Variants in DOK1 observed in about 807,000 individuals in gnomAD.
DOK1 encodes the protein Downstream of tyrosine kinase 1.
Under a neutral mutation model 24.0 loss-of-function variants are expected in DOK1, and 12 were observed. That is an observed-to-expected ratio of 0.50 (90% CI 0.32 to 0.81). The LOEUF (loss-of-function observed/expected upper bound fraction) is 0.81, where lower values mean the gene tolerates loss of function less well. Among genes scored for constraint, DOK1 ranks in the 30% least tolerant of loss-of-function variants. DOK1 has a pLI of 0.03. For missense variants in DOK1, 591 were observed against 620.7 expected (o/e 0.95, Z 0.51); for synonymous variants, 250 against 260.9 (o/e 0.96, Z 0.40).
rs1677447427 is a variant in DOK1, at chr2:74,556,146, G to T, written c.639+68G>T. On this transcript the variant is annotated intron_variant, in intron 4 of 4. Transcript: ENST00000233668. This position sits in a 1 kb window ranked among gnomAD's most constrained non-coding sequence, Gnocchi z 4.1. Reference sequence around the variant, plus strand: ...TGGGAGGGGTGGGGCAGGACAGAAAGTGGGAAGCTCTGACCTTTGGATCCC... The same window carrying T: ...TGGGAGGGGTGGGGCAGGACAGAAATTGGGAAGCTCTGACCTTTGGATCCC... 1 of 1,533,762 alleles carries T rather than the reference G, an allele frequency of 6.5e-7. No homozygotes were observed. The highest frequency in any genetic ancestry group is 2.3e-5 in the East Asian group (1 of 44,180).
At chr2:74,549,768 G>A (rs1354565179), upstream of DOK1, 1 of 1,429,164 alleles carries the variant, frequency 7.0e-7, no homozygotes, top group Admixed American at 2.9e-5. The surrounding 1 kb of genome is among the most constrained non-coding windows in gnomAD (Gnocchi z 5.3). Context: ...AGCCAGCAGC[G>A]CGTGGGATGT....
chr2:74,552,671 G>T (rs1245362411), upstream of DOK1: 2 of 1,486,128 alleles, frequency 1.3e-6, no homozygotes, highest in Non-Finnish European at 1.8e-6. Flanking sequence ...GACAAAGTGT[G>T]CGTGAGAGAA....
rs1261219839 is a variant in DOK1, at chr2:74,556,056, TGC to T, written c.619_620del (p.Arg207SerfsTer33). 1.2e-6 allele frequency: 2 copies of T among 1,600,194 alleles called. No homozygotes were observed. Among genetic ancestry groups the T allele is most frequent in the Non-Finnish European group, 1.7e-6 (2 of 1,172,228 alleles). ...CTCCTGTCCTGGCCCTACACTCTGT[TGC>T]GTCGCTATGGCCGGGACAAGGTGCA... On this transcript the variant is annotated frameshift_variant, in exon 4 of 5. Coordinates refer to ENST00000233668, the MANE Select transcript of DOK1 (RefSeq NM_001381.5). LOFTEE classifies it low-confidence loss of function (END_TRUNC). This position sits in a 1 kb window ranked among gnomAD's most constrained non-coding sequence, Gnocchi z 4.1.
At chr2:74,550,042 G>A, upstream of DOK1, 2 of 1,473,058 alleles carry the variant, frequency 1.4e-6, no homozygotes, top group Non-Finnish European at 8.9e-7. Flanking sequence ...GCATCTGGGA[G>A]CTCTATCATT....
At position 74,556,357 on chromosome 2, in the gene DOK1, C is replaced by A. The variant is rs147567450; in HGVS notation, c.689C>A (p.Thr230Asn). 1.1e-4 allele frequency: 172 copies of A among 1,613,876 alleles called. 1 individual carries two copies. The highest frequency in any genetic ancestry group is 5.5e-4 in the African/African-American group (41 of 75,044). ...CGCCGCTGCCCCTCAGGCCCTGGAA[C>A]CTTCACCTTCCAGACGGCACAGGGA... ...AGRRCPSGPG[T>N]FTFQTAQGND... is the part of the protein sequence containing the mutation. The change falls in exon 5 of 5, where the codon ACC becomes AAC. Residue 230 changes from threonine (T) to asparagine (N), a missense_variant. By Grantham distance (65) the Thr-to-Asn change is moderately conservative (BLOSUM62 0). Transcript: ENST00000233668. This position sits in a 1 kb window ranked among gnomAD's most constrained non-coding sequence, Gnocchi z 4.1.
At position 74,556,485 on chromosome 2, in the gene DOK1, G is replaced by T. The variant is rs756567193; in HGVS notation, c.817G>T (p.Glu273Ter). 1 of 1,614,206 alleles carries T rather than the reference G, an allele frequency of 6.2e-7. No homozygotes were observed. Among genetic ancestry groups the T allele is most frequent in the Non-Finnish European group, 8.5e-7 (1 of 1,180,022 alleles). Residue 273 changes from glutamate to a stop codon, truncating the protein, a stop_gained, in exon 5 of 5, where the codon GAG (glutamate) becomes TAG (stop). Transcript: ENST00000233668. LOFTEE classifies it low-confidence loss of function (END_TRUNC). The surrounding 1 kb of genome is among the most constrained non-coding windows in gnomAD (Gnocchi z 4.1). ...TCTCAGAGCTGACTCCCATGAAGGG[G>T]AGGTGGCAGAGGGGAAGTTGCCTTC... is the stretch of plus-strand genomic sequence containing the variant. ...DVLRADSHEGEVAEGKLPSPP... is the reference protein window; with the variant it reads ...DVLRADSHEG
At position 74,549,498 on chromosome 2, in the gene DOK1, A is replaced by G. The variant is rs749209218; in HGVS notation, c.-358+326A>G. 8 of 1,613,690 alleles carry G rather than the reference A, an allele frequency of 5.0e-6. No individual in the cohort carries two copies. On this transcript the variant is annotated intron_variant, in intron 1 of 4. Transcript: ENST00000409429. The surrounding 1 kb of genome is among the most constrained non-coding windows in gnomAD (Gnocchi z 5.3). ...GCCGTCAGGAAGCCTGACTTCCACC[A>G]GCCCCTCCGTCACGGGCAGGGGTCG...
In DOK1 at chr2:74,557,341, C is replaced by A; in HGVS notation, c.*227C>A. 1 of 495,842 alleles carries A rather than the reference C, an allele frequency of 2.0e-6. No individual in the cohort carries two copies. The highest frequency in any genetic ancestry group is 3.6e-6 in the Non-Finnish European group (1 of 278,588). The allele number at this position is 495,842 out of a possible 1,614,324, so 30.7% of individuals were successfully genotyped here. ...TGGGCTCTGCATCCCCCAAAGCCAT[C>A]CCTTCCCTACTTCCCCAAATGAAGG... On this transcript the variant is annotated 3_prime_UTR_variant, in exon 5 of 5. Coordinates refer to ENST00000233668, the MANE Select transcript of DOK1 (RefSeq NM_001381.5).
In DOK1 at chr2:74,549,293, C is replaced by T; in HGVS notation, c.-358+121C>T. 1 of 1,456,076 alleles carries T rather than the reference C, an allele frequency of 6.9e-7. No homozygotes were observed. Among genetic ancestry groups the T allele is most frequent in the Non-Finnish European group, 9.1e-7 (1 of 1,097,520 alleles). The allele number at this position is 1,456,076 out of a possible 1,614,324, so 90.2% of individuals were successfully genotyped here. ...GGTCCTCCCGTGCCCCGGACCTGCTCAGATGTCTCCCAAGGCTATTCATCA... is the reference window on the plus strand; with the variant it reads ...GGTCCTCCCGTGCCCCGGACCTGCTTAGATGTCTCCCAAGGCTATTCATCA... On this transcript the variant is annotated intron_variant, in intron 1 of 4. Transcript: ENST00000409429. The surrounding 1 kb of genome is among the most constrained non-coding windows in gnomAD (Gnocchi z 5.3).
Position 74,556,127 on chromosome 2 carries a change from G to A in DOK1, c.639+49G>A. 6.5e-7 allele frequency: 1 copy of A among 1,542,862 alleles called. No homozygotes were observed. The highest frequency in any genetic ancestry group is 1.2e-5 in the South Asian group (1 of 80,612). ...TTCCTGGGTTGGGCAGCTGTGGGAGGGGTGGGGCAGGACAGAAAGTGGGAA... is the reference window on the plus strand; with the variant it reads ...TTCCTGGGTTGGGCAGCTGTGGGAGAGGTGGGGCAGGACAGAAAGTGGGAA... On this transcript the variant is annotated intron_variant, in intron 4 of 4. Coordinates refer to ENST00000233668, the MANE Select transcript of DOK1 (RefSeq NM_001381.5). The surrounding 1 kb of genome is among the most constrained non-coding windows in gnomAD (Gnocchi z 4.1).
At chr2:74,554,677 C>T (rs1464954668), upstream of DOK1, 1 of 1,488,672 alleles carries the variant, frequency 6.7e-7, no homozygotes, top group Non-Finnish European at 9.2e-7. The surrounding 1 kb of genome is among the most constrained non-coding windows in gnomAD (Gnocchi z 4.9). Flanking sequence ...GCGGAAACTC[C>T]TCCAGGGAAC....
chr2:74,549,359 G>T lies in DOK1; in HGVS notation c.-358+187G>T, dbSNP rs748225231. 1.3e-6 allele frequency: 2 copies of T among 1,570,178 alleles called. No individual in the cohort carries two copies. Among genetic ancestry groups the T allele is most frequent in the Admixed American group, 1.8e-5 (1 of 54,606 alleles). On this transcript the variant is annotated intron_variant, in intron 1 of 4. Coordinates refer to the DOK1 transcript ENST00000409429. This position sits in a 1 kb window ranked among gnomAD's most constrained non-coding sequence, Gnocchi z 5.3. The stretch of plus-strand genomic sequence containing the variant: ...CCGGCCTGCTCCGCCCGGCGCCCGC[G>T]GCCCCTCACCTGTAGAAGGCCGCGT...
At chr2:74,550,490 G>A (rs781583010), upstream of DOK1, 45 of 861,598 alleles carry the variant, frequency 5.2e-5, no homozygotes, top group African/African-American at 1.5e-4. Flanking sequence ...GGGTGGAGAC[G>A]GGACAGGGGA....
Position 74,555,205 on chromosome 2 carries a change from G to T in DOK1, c.112G>T (p.Ala38Ser), listed in dbSNP as rs1677345844. ...VLYPASPHGV[A>S]RLEFFDHKGS... ...CTACCCGGCCAGTCCCCACGGCGTA[G>T]CGCGGCTCGAGTTCTTTGACCATAA... Residue 38 changes from alanine (A) to serine (S), a missense_variant, in exon 2 of 5, where the codon GCG becomes TCG. Coordinates refer to ENST00000233668, the MANE Select transcript of DOK1 (RefSeq NM_001381.5). The surrounding 1 kb of genome is among the most constrained non-coding windows in gnomAD (Gnocchi z 6.1). The T allele has an allele frequency of 6.2e-7, 1 of 1,613,542 alleles. No homozygotes were observed. The highest frequency in any genetic ancestry group is 2.2e-5 in the East Asian group (1 of 44,874).
At position 74,557,111 on chromosome 2, in the gene DOK1, C is replaced by G; in HGVS notation, c.1443C>G (p.Thr481=). The change falls in exon 5 of 5, where the codon ACC becomes ACG. Residue 481 remains threonine (T), a synonymous_variant. Coordinates refer to ENST00000233668, the MANE Select transcript of DOK1 (RefSeq NM_001381.5). ...DKTGVKSEGS[T] ...CTGGGGTCAAGTCAGAGGGCTCTAC[C>G]TGAGAAGGACGGCAAGGCTGAGGTG... 6.2e-7 allele frequency: 1 copy of G among 1,602,306 alleles called. No individual in the cohort carries two copies. The highest frequency in any genetic ancestry group is 8.5e-7 in the Non-Finnish European group (1 of 1,171,564).
chr2:74,556,772 G>A lies in DOK1; in HGVS notation c.1104G>A (p.Leu368=), dbSNP rs1558637987. The A allele has an allele frequency of 2.5e-6, 4 of 1,614,162 alleles. No homozygotes were observed. The highest frequency in any genetic ancestry group is 2.2e-5 in the East Asian group (1 of 44,872). ...EDPIYDEPEG[L]APVPPQGLYD... The stretch of plus-strand genomic sequence containing the variant: ...CCATCTATGATGAACCTGAGGGCCT[G>A]GCCCCAGTCCCTCCCCAGGGCCTTT... Residue 368 remains leucine (L), a synonymous_variant, in exon 5 of 5, where the codon CTG becomes CTA. Transcript: ENST00000233668. The surrounding 1 kb of genome is among the most constrained non-coding windows in gnomAD (Gnocchi z 4.1).
chr2:74,549,329 C>G lies in DOK1; in HGVS notation c.-358+157C>G, dbSNP rs554231750. On this transcript the variant is annotated intron_variant, in intron 1 of 4. Coordinates refer to the DOK1 transcript ENST00000409429. This position sits in a 1 kb window ranked among gnomAD's most constrained non-coding sequence, Gnocchi z 5.3. Reference sequence around the variant, plus strand: ...CAAGGCTATTCATCAGGGAGCACCCCAATCCCGGCCTGCTCCGCCCGGCGC... The same window carrying G: ...CAAGGCTATTCATCAGGGAGCACCCGAATCCCGGCCTGCTCCGCCCGGCGC... The G allele has an allele frequency of 6.6e-7, 1 of 1,525,884 alleles. No homozygotes were observed. The highest frequency in any genetic ancestry group is 8.8e-7 in the Non-Finnish European group (1 of 1,131,760). The allele number at this position is 1,525,884 out of a possible 1,614,324, so 94.5% of individuals were successfully genotyped here.
At position 74,556,344 on chromosome 2, in the gene DOK1, T is replaced by G. The variant is rs748335541; in HGVS notation, c.676T>G (p.Ser226Ala). 4 of 1,613,330 alleles carry G rather than the reference T, an allele frequency of 2.5e-6. No individual in the cohort carries two copies. The highest frequency in any genetic ancestry group is 3.4e-6 in the Non-Finnish European group (4 of 1,179,740). Residue 226 changes from serine (S) to alanine (A), a missense_variant, in exon 5 of 5, where the codon TCA (serine) becomes GCA (alanine). Coordinates refer to ENST00000233668, the MANE Select transcript of DOK1 (RefSeq NM_001381.5). The surrounding 1 kb of genome is among the most constrained non-coding windows in gnomAD (Gnocchi z 4.1). Reference protein sequence around the residue: ...FSFEAGRRCPSGPGTFTFQTA... With the variant: ...FSFEAGRRCPAGPGTFTFQTA... Reference sequence around the variant, plus strand: ...TTTCGAGGCCGGCCGCCGCTGCCCCTCAGGCCCTGGAACCTTCACCTTCCA... The same window carrying G: ...TTTCGAGGCCGGCCGCCGCTGCCCCGCAGGCCCTGGAACCTTCACCTTCCA...
At chr2:74,553,956 A>T (rs1677199059), upstream of DOK1, 1 of 151,622 alleles carries the variant, frequency 6.6e-6, no homozygotes, top group African/African-American at 2.4e-5. Context: ...AAAAAAAAAA[A>T]AATGCTCGGC....
Sources: gnomAD v4.1 joint callset for allele counts on GRCh38, gnomAD v4.1.1 for gene constraint, Gnocchi (gnomAD v3.1) non-coding constraint, MANE v1.5 for transcripts, NCBI Gene and HGNC (gene_info 2026-07-23, HGNC 2026-07-21) for gene names.